The following MEOX2 variants were observed in gnomAD, a reference collection of about 807,000 sequenced individuals.
The protein encoded by MEOX2 is homeobox protein MOX-2.
Under a neutral mutation model 27.0 loss-of-function variants are expected in MEOX2, and 11 were observed. That is an observed-to-expected ratio of 0.41 (90% CI 0.26 to 0.68). The LOEUF is 0.68. Ranked by LOEUF, MEOX2 falls within the 30% of genes least tolerant of loss-of-function variation. The pLI, the probability that MEOX2 is intolerant of heterozygous loss-of-function variation, is 0.33. For synonymous variants in MEOX2, 189 were observed against 155.4 expected (o/e 1.22, Z -1.61); for missense variants, 436 against 385.4 (o/e 1.13, Z -1.10).
intron 1 of MEOX2, among the ~76,000 whole-genome samples, chr7:15,639,397 G>A (rs1448595471): frequency 1.3e-5 from 2 of 151,912 alleles, no homozygotes; most frequent in Non-Finnish European, 2.9e-5. Flanking sequence ...TGGATGCAGA[G>A]TTTTTGAATA....
At chr7:15,620,166 T>C (rs1053111932) in intron 2 of MEOX2, among the ~76,000 whole-genome samples, 3 of 152,150 alleles carry the variant, frequency 2.0e-5, no homozygotes, top group Admixed American at 2.0e-4. Context: ...TTACCAGTTG[T>C]AGTCAAATTA....
intron 1 of MEOX2, among the ~76,000 whole-genome samples, chr7:15,638,433 T>A (rs1204379317): frequency 6.6e-6 from 1 of 152,178 alleles, no homozygotes; most frequent in Non-Finnish European, 1.5e-5. Flanking sequence ...TAGTCTTCAT[T>A]GGTCTCATAT....
chr7:15,634,302 G>C (rs1781449900), intron 1 of MEOX2, among the ~76,000 whole-genome samples: 1 of 151,908 alleles, frequency 6.6e-6, no homozygotes, highest in South Asian at 2.1e-4. Context: ...GGTGGGGACA[G>C]TTCTGGGCTT....
At chr7:15,627,011 G>A (rs1383372312) in intron 1 of MEOX2, 93 bp from the exon 2 acceptor site, 100 of 1,248,492 alleles carry the variant, frequency 8.0e-5, no homozygotes, top group Non-Finnish European at 1.1e-4. Context: ...TACTTTTCCA[G>A]GTACTGCGCT....
chr7:15,618,958 T>C (rs4492268), intron 2 of MEOX2, among the ~76,000 whole-genome samples: 102,215 of 151,830 alleles, frequency 0.67, 34,640 homozygotes, highest in East Asian at 0.81. Context: ...GGATCTGAAG[T>C]TCAAAGTCTA....
chr7:15,631,933 G>GTGTGTGTGT (rs66500166), intron 1 of MEOX2, among the ~76,000 whole-genome samples: 32 of 32,468 alleles, frequency 9.9e-4, no homozygotes, highest in African/African-American at 1.8e-3. Context: ...TGTGTGTGTG[G>GTGTGTGTGT]AGAGAAAGAG....
At chr7:15,615,658 T>C (rs972121129) in intron 2 of MEOX2, among the ~76,000 whole-genome samples, 6 of 152,164 alleles carry the variant, frequency 3.9e-5, no homozygotes, top group Non-Finnish European at 8.8e-5. Context: ...TTCTCCATTT[T>C]GTGTGAATTT....
rs1781045873 is a variant in MEOX2 at position 15,612,372 on chromosome 7, G to C, written c.*15C>G. 2.5e-6 allele frequency: 4 copies of C among 1,600,978 alleles called. No homozygotes were observed. The African/African-American group carries it at 5.4e-5, about 21-fold the overall frequency. ...ACATTTCTTTCCTGAGAATGGAGCT[G>C]GTCCTCTGTTTATATCATAAGTGCG... On this transcript the variant is annotated 3_prime_UTR_variant, in exon 3 of 3. Transcript: ENST00000262041.
chr7:15,671,660 G>T (rs1361720679), intron 1 of MEOX2, among the ~76,000 whole-genome samples: 1 of 152,128 alleles, frequency 6.6e-6, no homozygotes, highest in African/African-American at 2.4e-5. Flanking sequence ...TGGTTAACCA[G>T]TCATACTCAA....
At chr7:15,662,155 G>T (rs1034759517) in intron 1 of MEOX2, among the ~76,000 whole-genome samples, 2 of 141,256 alleles carry the variant, frequency 1.4e-5, no homozygotes, top group Admixed American at 1.5e-4. Context: ...CACTACTACT[G>T]CTAGTTACAT....
chr7:15,623,252 A>G (rs1781247771), intron 2 of MEOX2, among the ~76,000 whole-genome samples: 1 of 152,212 alleles, frequency 6.6e-6, no homozygotes, highest in African/African-American at 2.4e-5. Flanking sequence ...ATGCCATCTG[A>G]CCTTCAAGAA....
chr7:15,648,432 C>G (rs1049803422), intron 1 of MEOX2, among the ~76,000 whole-genome samples: 1 of 152,126 alleles, frequency 6.6e-6, no homozygotes, highest in East Asian at 1.9e-4. Context: ...CCAGAGTATA[C>G]AAAAGAGAGA....
chr7:15,611,492 GCT>G lies in MEOX2; in HGVS notation c.*893_*894del, dbSNP rs1781029694. 6.6e-6 allele frequency: 1 copy of G among 152,550 alleles called. No individual in the cohort carries two copies. The highest frequency in any genetic ancestry group is 2.4e-5 in the African/African-American group (1 of 41,418). 9.4% of individuals were successfully genotyped at this position (152,550 alleles called of 1,614,324 possible). ...AATAAGACAATGTCTGTCATACAAA[GCT>G]CTTTCTGCAAGGTAACTGATTTGCC... is the stretch of plus-strand genomic sequence containing the variant. On this transcript the variant is annotated 3_prime_UTR_variant, in exon 3 of 3. Coordinates refer to ENST00000262041, the MANE Select transcript of MEOX2 (RefSeq NM_005924.5).
chr7:15,674,236 C>T (rs188278138), intron 1 of MEOX2, among the ~76,000 whole-genome samples: 4 of 152,062 alleles, frequency 2.6e-5, no homozygotes, highest in East Asian at 1.9e-4. Context: ...AGAAATGATA[C>T]GGTCAAAATA....
rs773163177 is a variant in MEOX2 at position 15,613,419 on chromosome 7, A to G, written c.691-808T>C. On this transcript the variant is annotated intron_variant, in intron 2 of 2. Transcript: ENST00000262041. ...ACAAAAAAAACAGCAAACAGACATT[A>G]AAGGTCTATACATTATCAGAACTAG... Among the ~76,000 whole-genome samples the G allele has an allele frequency of 8.1e-4, 123 of 151,196 alleles. 1 individual carries two copies. The highest frequency in any genetic ancestry group is 2.2e-3 in the Admixed American group (34 of 15,184).
chr7:15,641,938 C>A (rs1309786780), intron 1 of MEOX2, among the ~76,000 whole-genome samples: 1 of 152,050 alleles, frequency 6.6e-6, no homozygotes, highest in Non-Finnish European at 1.5e-5. Flanking sequence ...AAAATGAGCC[C>A]CCAATCTCTT....
At chr7:15,619,935 T>A (rs1781193957) in intron 2 of MEOX2, among the ~76,000 whole-genome samples, 1 of 152,108 alleles carries the variant, frequency 6.6e-6, no homozygotes, top group African/African-American at 2.4e-5. Context: ...ACCGAATAGA[T>A]CTTGCTTTAT....
intron 1 of MEOX2, among the ~76,000 whole-genome samples, chr7:15,672,673 A>G (rs1376594754): frequency 6.6e-6 from 1 of 152,158 alleles, no homozygotes; most frequent in Non-Finnish European, 1.5e-5. Context: ...TGGGCGGATC[A>G]TGAGGTCAGG....
chr7:15,683,944 A>ATT (rs1782334808), intron 1 of MEOX2, among the ~76,000 whole-genome samples: 1 of 152,174 alleles, frequency 6.6e-6, no homozygotes, highest in African/African-American at 2.4e-5. Context: ...AATGAATTTA[A>ATT]TTTTGTTAAA....
Sources: allele counts gnomAD v4.1 joint callset (sites outside exome capture counted in the v4.1 genomes callset), GRCh38; gene constraint gnomAD v4.1.1; transcripts MANE v1.5; gene names NCBI Gene and HGNC (gene_info 2026-07-23, HGNC 2026-07-21).